The following HPSE2 variants were observed in gnomAD, a reference collection of about 807,000 sequenced individuals.
HPSE2 encodes the protein inactive heparanase-2.
Under a neutral mutation model 60.5 loss-of-function variants are expected in HPSE2, and 38 were observed. The observed-to-expected ratio is 0.63, with a 90% CI of 0.48 to 0.82. The LOEUF (loss-of-function observed/expected upper bound fraction) is 0.82. Among genes scored for constraint, HPSE2 ranks in the 40% least tolerant of loss-of-function variants. The pLI is 0.00. For synonymous variants in HPSE2, 295 were observed against 293.2 expected, an observed-to-expected ratio of 1.01 and a Z score of -0.06; for missense variants, 713 against 740.4, an observed-to-expected ratio of 0.96 and a Z score of 0.43.
chr10:98,648,025 T>C (rs960755273), intron 6 of HPSE2, among the ~76,000 whole-genome samples: 4 of 152,200 alleles, frequency 2.6e-5, no homozygotes, highest in Non-Finnish European at 5.9e-5. Flanking sequence ...TTGTGAGCAA[T>C]ACTAAAGGCA....
the HPSE2 span, among the ~76,000 whole-genome samples, chr10:99,264,200 GCC>G: frequency 2.6e-4 from 40 of 151,304 alleles, no homozygotes; most frequent in African/African-American, 9.2e-4. Context: ...CCATTCTCCT[GCC>G]TCAGACTCCC....
intron 2 of HPSE2, among the ~76,000 whole-genome samples, chr10:99,186,446 G>A (rs964590018): frequency 2.0e-5 from 3 of 147,938 alleles, no homozygotes; most frequent in African/African-American, 7.5e-5. Flanking sequence ...AGGAGGCTGA[G>A]GTAGAAGAAT....
chr10:98,602,909 A>G (rs1945468879), intron 9 of HPSE2, among the ~76,000 whole-genome samples: 1 of 152,222 alleles, frequency 6.6e-6, no homozygotes, highest in South Asian at 2.1e-4. Flanking sequence ...CACCAAAAGT[A>G]CAAATGACCA....
chr10:98,755,602 A>G (rs1949860006), intron 3 of HPSE2, among the ~76,000 whole-genome samples: 1 of 152,244 alleles, frequency 6.6e-6, no homozygotes, highest in Admixed American at 6.5e-5. Flanking sequence ...GTTCTATAAT[A>G]GAAGACATGC....
intron 9 of HPSE2, among the ~76,000 whole-genome samples, chr10:98,572,683 T>G (rs752350009): frequency 1.3e-5 from 2 of 152,224 alleles, no homozygotes. Context: ...GATTTTAATT[T>G]CCTAACATTT....
At chr10:98,477,880 T>C (rs992475242) in intron 11 of HPSE2, among the ~76,000 whole-genome samples, 4 of 150,684 alleles carry the variant, frequency 2.7e-5, no homozygotes, top group Non-Finnish European at 5.9e-5. Flanking sequence ...CAGATTCTCA[T>C]AGAAGTGTGA....
At chr10:98,826,413 G>A (rs757578618) in intron 3 of HPSE2, among the ~76,000 whole-genome samples, 8 of 152,174 alleles carry the variant, frequency 5.3e-5, no homozygotes, top group Non-Finnish European at 5.9e-5. Context: ...GGGGTTTGTG[G>A]AAGTACCTTT....
intron 3 of HPSE2, among the ~76,000 whole-genome samples, chr10:99,034,123 C>A (rs565719837): frequency 3.3e-5 from 5 of 151,964 alleles, no homozygotes; most frequent in African/African-American, 1.2e-4. Flanking sequence ...GTGGCACTTC[C>A]GTATAATAGA....
intron 3 of HPSE2, among the ~76,000 whole-genome samples, chr10:98,989,909 TC>T (rs1329039474): frequency 6.6e-6 from 1 of 152,198 alleles, no homozygotes; most frequent in Non-Finnish European, 1.5e-5. Context: ...ACTGAATTTT[TC>T]CTCCTTTTCA....
chr10:99,299,113 G>A, the HPSE2 span, among the ~76,000 whole-genome samples: 1 of 152,042 alleles, frequency 6.6e-6, no homozygotes, highest in African/African-American at 2.4e-5. Flanking sequence ...CCCCATAGGA[G>A]GTCTGTGCTC....
At chr10:98,736,884 T>C (rs1013426912) in intron 4 of HPSE2, among the ~76,000 whole-genome samples, 4 of 152,162 alleles carry the variant, frequency 2.6e-5, no homozygotes, top group Non-Finnish European at 2.9e-5. Context: ...ACTTGGCATA[T>C]TTTGCAGGTG....
Position 99,072,927 on chromosome 10 carries a change from C to CAAAAAAAA in HPSE2, c.610+71303_610+71310dup, listed in dbSNP as rs770699941. Among the ~76,000 whole-genome samples the CAAAAAAAA allele has an allele frequency of 2.0e-4, 18 of 88,032 alleles. 2 individuals are homozygous for CAAAAAAAA. Among genetic ancestry groups the CAAAAAAAA allele is most frequent in the Admixed American group, 3.4e-4 (3 of 8,946 alleles). The allele number at this position is 88,032 out of a possible 152,430, so 57.8% of individuals were successfully genotyped here. On this transcript the variant is annotated intron_variant, in intron 3 of 11. Transcript: ENST00000370552. Reference sequence around the variant, plus strand: ...CTGGTGACAGAGCCAGGCTCCGTCTCAAAAAAAAAAAAAAAAAAAAAAAAA... The same window carrying CAAAAAAAA: ...CTGGTGACAGAGCCAGGCTCCGTCTCAAAAAAAAAAAAAAAAAAAAAAAAAAAAAAAAA...
At chr10:99,194,878 C>A (rs1248360456) in intron 2 of HPSE2, among the ~76,000 whole-genome samples, 3 of 151,874 alleles carry the variant, frequency 2.0e-5, no homozygotes, top group Non-Finnish European at 4.4e-5. Context: ...GAAGAACTTC[C>A]AAATTCATTC....
chr10:98,478,917 TA>T (rs1941126018), intron 11 of HPSE2, among the ~76,000 whole-genome samples: 1 of 152,086 alleles, frequency 6.6e-6, no homozygotes, highest in African/African-American at 2.4e-5. Context: ...GGGACTGGAG[TA>T]GGGGGGTCTT....
the HPSE2 span, among the ~76,000 whole-genome samples, chr10:99,299,231 C>G: frequency 2.0e-5 from 3 of 152,138 alleles, no homozygotes; most frequent in African/African-American, 2.4e-5. Context: ...TCATCCAACA[C>G]GCCCTGGTCC....
At position 98,952,527 on chromosome 10, in the gene HPSE2, C is replaced by G. The variant is rs182407395; in HGVS notation, c.610+191711G>C. ...ATTACTTTGATCAGTTTGCTTTTCT[C>G]TTAGAAACTAAAAGAATTCCTGTTG... On this transcript the variant is annotated intron_variant, in intron 3 of 11. Transcript: ENST00000370552. Among the ~76,000 whole-genome samples the G allele has an allele frequency of 7.6e-4, 115 of 152,252 alleles. 1 individual carries two copies. The highest frequency in any genetic ancestry group is 5.4e-4 in the Non-Finnish European group (37 of 68,028).
intron 5 of HPSE2, among the ~76,000 whole-genome samples, chr10:98,705,208 C>A (rs1948514373): frequency 6.6e-6 from 1 of 152,126 alleles, no homozygotes; most frequent in Admixed American, 6.5e-5. Context: ...CAATGAGATA[C>A]CATCTCACAT....
chr10:98,868,347 A>T (rs982519891), intron 3 of HPSE2, among the ~76,000 whole-genome samples: 8 of 152,022 alleles, frequency 5.3e-5, no homozygotes, highest in Admixed American at 2.6e-4. Context: ...AGAGACTGAG[A>T]AGAGTAGGGA....
chr10:98,600,897 A>ACG (rs1945392103), intron 9 of HPSE2, among the ~76,000 whole-genome samples: 2 of 40,804 alleles, frequency 4.9e-5, no homozygotes, highest in South Asian at 2.1e-3. Context: ...ATATACGTAT[A>ACG]TATATGTGTG....
Sources: gnomAD v4.1 joint callset for allele counts (sites outside exome capture counted in the v4.1 genomes callset) on GRCh38, gnomAD v4.1.1 for gene constraint, MANE v1.5 for transcripts, NCBI Gene and HGNC (gene_info 2026-07-23, HGNC 2026-07-21) for gene names.